SPIRE1: variants seen among roughly 807,000 people sequenced by gnomAD.
SPIRE1 encodes the protein protein spire homolog 1.
Under a neutral mutation model 94.1 loss-of-function variants are expected in SPIRE1, and 40 were observed. That is an observed-to-expected ratio of 0.43 (90% CI 0.33 to 0.55). The LOEUF is 0.55. Among genes scored for constraint, SPIRE1 ranks in the 20% least tolerant of loss-of-function variants. The pLI, the probability that SPIRE1 is intolerant of heterozygous loss-of-function variation, is 0.06. For missense variants in SPIRE1, 838 were observed against 975.2 expected (o/e 0.86, Z 1.87); for synonymous variants, 376 against 371.7 (o/e 1.01, Z -0.13).
intron 2 of SPIRE1, among the ~76,000 whole-genome samples, chr18:12,621,430 T>C (rs1467438955): frequency 6.6e-6 from 1 of 152,224 alleles, no homozygotes; most frequent in African/African-American, 2.4e-5. Flanking sequence ...TGAAAGTTTA[T>C]AGCACCATTA....
chr18:12,509,956 G>T (rs146223307), intron 5 of SPIRE1, among the ~76,000 whole-genome samples: 1 of 151,598 alleles, frequency 6.6e-6, no homozygotes, highest in Non-Finnish European at 1.5e-5. Context: ...GTGGTGGTGC[G>T]CACCTGTAAT....
chr18:12,493,256 A>G lies in SPIRE1; in HGVS notation c.1060-55T>C, dbSNP rs867170054. The G allele has an allele frequency of 2.6e-6, 4 of 1,512,852 alleles. No individual in the cohort carries two copies. In the Middle Eastern group the frequency reaches 9.0e-4, roughly 341 times the overall value. The allele number at this position is 1,512,852 out of a possible 1,614,324, so 93.7% of individuals were successfully genotyped here. A position where few individuals can be genotyped will look rare whatever the true frequency, so the allele number is the denominator to read the frequency against. On this transcript the variant is annotated intron_variant, in intron 7 of 16. Transcript: ENST00000409402. ...TCAGTAATTAAGTAATTTTTACTGAAGTCTAGTCATACAGTACAGTATTAT... is the reference window on the plus strand; with the variant it reads ...TCAGTAATTAAGTAATTTTTACTGAGGTCTAGTCATACAGTACAGTATTAT...
chr18:12,556,078 CA>C (rs928143258), intron 2 of SPIRE1, among the ~76,000 whole-genome samples: 91 of 144,554 alleles, frequency 6.3e-4, no homozygotes, highest in South Asian at 8.7e-4. Flanking sequence ...ACAATAGCTA[CA>C]AAAAAAAAAT....
chr18:12,554,976 C>A (rs923753425), intron 2 of SPIRE1, among the ~76,000 whole-genome samples: 6 of 152,188 alleles, frequency 3.9e-5, no homozygotes, highest in Non-Finnish European at 8.8e-5. Flanking sequence ...TGCACCTGGA[C>A]AATGAGAGTT....
intron 3 of SPIRE1, among the ~76,000 whole-genome samples, chr18:12,545,758 G>A (rs2035144142): frequency 1.3e-5 from 2 of 152,136 alleles, no homozygotes; most frequent in Admixed American, 6.5e-5. Flanking sequence ...CACTTGAGAT[G>A]CAAAATCTTC....
intron 2 of SPIRE1, among the ~76,000 whole-genome samples, chr18:12,606,958 G>A (rs1255932970): frequency 1.3e-5 from 2 of 152,140 alleles, no homozygotes; most frequent in Non-Finnish European, 2.9e-5. Context: ...CATACAACTT[G>A]CTTTCTACTT....
At chr18:12,469,466 G>A (rs977899496) in intron 10 of SPIRE1, among the ~76,000 whole-genome samples, 1 of 150,560 alleles carries the variant, frequency 6.6e-6, no homozygotes, top group Non-Finnish European at 1.5e-5. Flanking sequence ...AAAGTGCTGG[G>A]TTTACAGATG....
chr18:12,498,812 A>G (rs1367234767), intron 6 of SPIRE1, among the ~76,000 whole-genome samples: 1 of 152,058 alleles, frequency 6.6e-6, no homozygotes, highest in African/African-American at 2.4e-5. Flanking sequence ...TTTTTGTAGA[A>G]TTGGGGGTCT....
At chr18:12,610,333 T>C (rs953394700) in intron 2 of SPIRE1, among the ~76,000 whole-genome samples, 2 of 152,176 alleles carry the variant, frequency 1.3e-5, no homozygotes, top group Non-Finnish European at 2.9e-5. Flanking sequence ...AGCCTCCACC[T>C]ATCTTTCTAG....
chr18:12,470,691 C>T (rs1306756364), intron 10 of SPIRE1, among the ~76,000 whole-genome samples: 1 of 152,148 alleles, frequency 6.6e-6, no homozygotes, highest in African/African-American at 2.4e-5. Flanking sequence ...CATACCCTCT[C>T]GTGTCTATTC....
In SPIRE1 at chr18:12,463,477, C is replaced by T. The variant is rs371541254; in HGVS notation, c.1512G>A (p.Leu504=). 1.6e-5 allele frequency: 26 copies of T among 1,612,842 alleles called. No individual in the cohort carries two copies. The highest frequency in any genetic ancestry group is 2.0e-5 in the Non-Finnish European group (24 of 1,179,476). The part of the protein sequence containing the change: ...VSTRKKPPKF[L]PISSTPQPER... ...CTGGCTGGGGTGTTGATGATATGGGCAGGAATTTTGGAGGCTCTAAAGATT... is the reference window on the plus strand; with the variant it reads ...CTGGCTGGGGTGTTGATGATATGGGTAGGAATTTTGGAGGCTCTAAAGATT... The change falls in exon 12 of 17, where the codon CTG becomes CTA. Residue 504 remains leucine, a synonymous_variant. Coordinates refer to ENST00000409402, the MANE Select transcript of SPIRE1 (RefSeq NM_001128626.2).
chr18:12,449,995 C>T (rs2031148616), intron 16 of SPIRE1, 99 bp from the exon 17 acceptor site: 4 of 1,253,756 alleles, frequency 3.2e-6, no homozygotes, highest in Non-Finnish European at 4.4e-6. Flanking sequence ...GTTGTCAAAA[C>T]ATCATGGAAT....
intron 4 of SPIRE1, among the ~76,000 whole-genome samples, chr18:12,522,993 A>T (rs907650453): frequency 2.0e-5 from 3 of 152,200 alleles, no homozygotes; most frequent in African/African-American, 7.2e-5. Context: ...GTAAGGCTAT[A>T]ACTGTCATAG....
intron 3 of SPIRE1, among the ~76,000 whole-genome samples, chr18:12,545,234 T>C (rs2035128898): frequency 6.6e-6 from 1 of 152,246 alleles, no homozygotes; most frequent in Non-Finnish European, 1.5e-5. Flanking sequence ...TCTATTTGTT[T>C]GTGTATTTAT....
chr18:12,540,479 G>A (rs539747102), intron 3 of SPIRE1, among the ~76,000 whole-genome samples: 114 of 152,152 alleles, frequency 7.5e-4, no homozygotes, highest in South Asian at 1.9e-3. Context: ...AGGTTCAAGC[G>A]ATTCTCCTGC....
intron 10 of SPIRE1, among the ~76,000 whole-genome samples, chr18:12,472,278 A>G (rs1253697134): frequency 8.5e-5 from 13 of 152,166 alleles, no homozygotes; most frequent in Admixed American, 2.6e-4. Context: ...AAAAAAATAA[A>G]AACAAACAAC....
intron 9 of SPIRE1, among the ~76,000 whole-genome samples, chr18:12,482,081 A>G (rs1477893634): frequency 6.6e-6 from 1 of 152,198 alleles, no homozygotes; most frequent in Non-Finnish European, 1.5e-5. Flanking sequence ...ACAAAGCCAG[A>G]GTTTCCCTAA....
chr18:12,562,008 C>T (rs2035700537), intron 2 of SPIRE1, among the ~76,000 whole-genome samples: 1 of 152,152 alleles, frequency 6.6e-6, no homozygotes, highest in African/African-American at 2.4e-5. Flanking sequence ...TGTCTGACCT[C>T]TGGGAAGGAT....
chr18:12,598,111 T>C (rs527485265), intron 2 of SPIRE1, among the ~76,000 whole-genome samples: 1 of 152,350 alleles, frequency 6.6e-6, no homozygotes, highest in South Asian at 2.1e-4. Flanking sequence ...AAGAAAACCA[T>C]TTACTCCTAA....
Sources: allele counts gnomAD v4.1 joint callset (sites outside exome capture counted in the v4.1 genomes callset), GRCh38; gene constraint gnomAD v4.1.1; transcripts MANE v1.5; gene names NCBI Gene and HGNC (gene_info 2026-07-23, HGNC 2026-07-21).